The following NRXN3 variants were observed in gnomAD, a reference collection of about 807,000 sequenced individuals.
NRXN3 encodes the protein neurexin III.
A neutral mutation model predicts 137.6 loss-of-function variants in NRXN3; 32 were observed. The ratio of observed to expected loss-of-function variants is 0.23; its 90% CI spans 0.18 to 0.31. The LOEUF (loss-of-function observed/expected upper bound fraction) is 0.31, where lower values mean the gene tolerates loss of function less well. Ranked by LOEUF, NRXN3 falls within the 10% of genes least tolerant of loss-of-function variation. The pLI, the probability that NRXN3 is intolerant of heterozygous loss-of-function variation, is 1.00. For synonymous variants in NRXN3, 798 were observed against 784.5 expected, an observed-to-expected ratio of 1.02 and a Z score of -0.29; for missense variants, 1,574 against 2,062.5, an observed-to-expected ratio of 0.76 and a Z score of 4.59.
Position 78,670,259 on chromosome 14 carries a change from A to G in NRXN3, c.1221+18933A>G, listed in dbSNP as rs148615304. On this transcript the variant is annotated intron_variant, in intron 6 of 20. Transcript: ENST00000335750. Reference sequence around the variant, plus strand: ...CCATAATTTCTTAATCCAGTCTATCACTGATGGACATCTGCGTTGGTTCCA... The same window carrying G: ...CCATAATTTCTTAATCCAGTCTATCGCTGATGGACATCTGCGTTGGTTCCA... Among the ~76,000 whole-genome samples the G allele has an allele frequency of 2.6e-5, 4 of 152,322 alleles. No homozygotes were observed. In the East Asian group the frequency reaches 7.7e-4, roughly 29 times the overall value.
At chr14:78,821,391 C>T (rs571443853) in intron 10 of NRXN3, among the ~76,000 whole-genome samples, 3 of 152,214 alleles carry the variant, frequency 2.0e-5, no homozygotes, top group Non-Finnish European at 4.4e-5. Context: ...GAGGGGTTTT[C>T]CTGTGATAGG....
At chr14:79,123,233 G>A (rs1008153627) in intron 15 of NRXN3, among the ~76,000 whole-genome samples, 30 of 151,772 alleles carry the variant, frequency 2.0e-4, no homozygotes, top group African/African-American at 4.1e-4. Context: ...GTGTGCGCGC[G>A]TGTGTGCGTG....
chr14:79,332,461 T>G (rs1389572033), intron 15 of NRXN3, among the ~76,000 whole-genome samples: 2 of 152,226 alleles, frequency 1.3e-5, no homozygotes, highest in African/African-American at 2.4e-5. Flanking sequence ...TGTGTGCTGT[T>G]TCCTCTGCTA....
At chr14:79,133,907 C>T (rs576005701) in intron 15 of NRXN3, among the ~76,000 whole-genome samples, 33 of 140,738 alleles carry the variant, frequency 2.3e-4, no homozygotes, top group East Asian at 8.2e-4. Flanking sequence ...CCAGCTTGGG[C>T]GACAGAGCAA....
At position 78,507,827 on chromosome 14, in the gene NRXN3, C is replaced by G. The variant is rs532482188; in HGVS notation, c.758-137293C>G. On this transcript the variant is annotated intron_variant, in intron 4 of 20. Transcript: ENST00000335750. ...ACTTCTTGAGACACCTTGAGTTTCT[C>G]TGAGTTGTTACAAAACCAGAGCAAA... Among the ~76,000 whole-genome samples, 3 of 152,264 alleles carry G rather than the reference C, an allele frequency of 2.0e-5. No individual in the cohort carries two copies. In the South Asian group the frequency reaches 6.2e-4, roughly 32 times the overall value.
At position 79,248,428 on chromosome 14, in the gene NRXN3, C is replaced by T. The variant is rs149825052; in HGVS notation, c.3263-218793C>T. ...TCTCTTCCCTGTTTGCTGCCATTTC[C>T]GTGGACAGACTATACTTGTCTTTCT... On this transcript the variant is annotated intron_variant, in intron 15 of 20. Transcript: ENST00000335750. 2.0e-3 allele frequency among the ~76,000 whole-genome samples: 307 copies of T among 152,228 alleles called. 1 individual carries two copies. Among genetic ancestry groups the T allele is most frequent in the African/African-American group, 7.0e-3 (292 of 41,526 alleles).
chr14:79,456,653 G>A (rs977747734), intron 15 of NRXN3, among the ~76,000 whole-genome samples: 19 of 151,900 alleles, frequency 1.3e-4, no homozygotes, highest in Non-Finnish European at 2.5e-4. Context: ...CTTGAACCTG[G>A]AGGCAGAGGT....
At chr14:78,486,270 A>G (rs1222532602) in intron 4 of NRXN3, among the ~76,000 whole-genome samples, 7 of 152,168 alleles carry the variant, frequency 4.6e-5, no homozygotes, top group Non-Finnish European at 1.0e-4. Flanking sequence ...TCCAAGTCCA[A>G]GTTGGGAGGT....
chr14:79,329,479 A>G (rs1157133856), intron 15 of NRXN3, among the ~76,000 whole-genome samples: 1 of 152,184 alleles, frequency 6.6e-6, no homozygotes, highest in African/African-American at 2.4e-5. Flanking sequence ...ATGAAGCTTC[A>G]CCTGGGTTTT....
chr14:78,478,140 A>G (rs1355782958), intron 4 of NRXN3, among the ~76,000 whole-genome samples: 1 of 152,178 alleles, frequency 6.6e-6, no homozygotes, highest in African/African-American at 2.4e-5. Context: ...ATGATAGTCA[A>G]ACGTTTCTGC....
intron 4 of NRXN3, among the ~76,000 whole-genome samples, chr14:78,346,342 G>A (rs553940722): frequency 0.05 from 7,592 of 152,154 alleles, 467 homozygotes; most frequent in African/African-American, 0.14. Flanking sequence ...CTTACCTGGG[G>A]CCTGGTCTCC....
At position 79,060,835 on chromosome 14, in the gene NRXN3, A is replaced by G. The variant is rs533472483; in HGVS notation, c.3262+72694A>G. 1.3e-4 allele frequency among the ~76,000 whole-genome samples: 20 copies of G among 151,882 alleles called. No homozygotes were observed. The East Asian group carries it at 3.9e-3, about 30-fold the overall frequency. On this transcript the variant is annotated intron_variant, in intron 15 of 20. Coordinates refer to ENST00000335750, the MANE Select transcript of NRXN3 (RefSeq NM_001330195.2). ...TGTCTCTATGAGTGTGTTGTGTTAC[A>G]GTTACTGCTATAATTTCTCTACTAG...
intron 20 of NRXN3, among the ~76,000 whole-genome samples, chr14:79,811,577 T>C (rs944023946): frequency 7.4e-6 from 1 of 134,714 alleles, no homozygotes; most frequent in African/African-American, 2.8e-5. Context: ...CTTTTTTCTT[T>C]TTTCTTTTTT....
intron 8 of NRXN3, among the ~76,000 whole-genome samples, chr14:78,780,279 C>A (rs565026904): frequency 4.5e-4 from 69 of 152,018 alleles, no homozygotes; most frequent in Non-Finnish European, 6.5e-4. Context: ...AATTAGACTT[C>A]ATTTTATATC....
At chr14:79,784,931 T>G (rs957429169) in intron 19 of NRXN3, among the ~76,000 whole-genome samples, 2 of 152,138 alleles carry the variant, frequency 1.3e-5, no homozygotes, top group Non-Finnish European at 2.9e-5. Flanking sequence ...GCTAAACATT[T>G]CATTCAGTTG....
chr14:79,077,436 C>G (rs893245336), intron 15 of NRXN3, among the ~76,000 whole-genome samples: 1 of 152,118 alleles, frequency 6.6e-6, no homozygotes, highest in African/African-American at 2.4e-5. Context: ...TCCTATTCAT[C>G]TGAATTCTTC....
chr14:79,776,397 T>C (rs1336165867), intron 19 of NRXN3, among the ~76,000 whole-genome samples: 1 of 152,168 alleles, frequency 6.6e-6, no homozygotes, highest in Non-Finnish European at 1.5e-5. Flanking sequence ...TTGTGACCCA[T>C]GCTTCATTTA....
intron 20 of NRXN3, among the ~76,000 whole-genome samples, chr14:79,814,963 C>T (rs1315428310): frequency 6.6e-6 from 1 of 152,144 alleles, no homozygotes; most frequent in Non-Finnish European, 1.5e-5. Context: ...ATCTTTTGAT[C>T]TTTCTGAGTC....
chr14:78,651,126 A>G (rs749651426), intron 5 of NRXN3, 39 bp from the exon 6 acceptor site: 1 of 1,600,320 alleles, frequency 6.2e-7, no homozygotes, highest in East Asian at 2.2e-5. Context: ...TCGTAAGGTC[A>G]TTGTTGGGAT....
Sources: gnomAD v4.1 joint callset for allele counts (sites outside exome capture counted in the v4.1 genomes callset) on GRCh38, gnomAD v4.1.1 for gene constraint, MANE v1.5 for transcripts, NCBI Gene and HGNC (gene_info 2026-07-23, HGNC 2026-07-21) for gene names.